Variants in TASP1 observed in about 807,000 individuals in gnomAD.
TASP1 encodes threonine aspartase 1.
A neutral mutation model predicts 56.6 loss-of-function variants in TASP1; 16 were observed. The observed-to-expected ratio is 0.28, with a 90% CI of 0.19 to 0.43. The LOEUF (loss-of-function observed/expected upper bound fraction) is 0.43, where lower values mean the gene tolerates loss of function less well. Among genes scored for constraint, TASP1 ranks in the 20% least tolerant of loss-of-function variants. TASP1 has a pLI of 1.00. For missense variants in TASP1, 393 were observed against 511.6 expected (o/e 0.77, Z 2.24); for synonymous variants, 179 against 184.2 (o/e 0.97, Z 0.23).
chr20:13,222,800 G>A, the TASP1 span, among the ~76,000 whole-genome samples: 3 of 152,202 alleles, frequency 2.0e-5, no homozygotes, highest in Non-Finnish European at 4.4e-5. Context: ...TGGGACAACT[G>A]TAAACTTGGA....
At chr20:13,374,693 T>C in the TASP1 span, among the ~76,000 whole-genome samples, 3 of 152,194 alleles carry the variant, frequency 2.0e-5, no homozygotes, top group Non-Finnish European at 4.4e-5. Flanking sequence ...TAACATTTTG[T>C]AGCAACTCTG....
chr20:13,319,554 A>G, the TASP1 span, among the ~76,000 whole-genome samples: 3 of 152,212 alleles, frequency 2.0e-5, no homozygotes, highest in Non-Finnish European at 2.9e-5. Context: ...GAAAGGAAAG[A>G]AAGACAGGCA....
At chr20:13,270,101 A>G in the TASP1 span, among the ~76,000 whole-genome samples, 1 of 152,238 alleles carries the variant, frequency 6.6e-6, no homozygotes, top group East Asian at 1.9e-4. Context: ...AGCCTACACA[A>G]AAGAAACCAA....
At chr20:13,137,781 C>T in the TASP1 span, among the ~76,000 whole-genome samples, 1 of 152,184 alleles carries the variant, frequency 6.6e-6, no homozygotes, top group Admixed American at 6.5e-5. Flanking sequence ...GCAATCCAGG[C>T]CTTCCGTGAT....
At chr20:13,596,227 T>C (rs2047725106) in intron 4 of TASP1, among the ~76,000 whole-genome samples, 1 of 151,746 alleles carries the variant, frequency 6.6e-6, no homozygotes, top group Non-Finnish European at 1.5e-5. Flanking sequence ...ACAAAAAAAC[T>C]AGCCAGGCAT....
At chr20:13,394,153 G>GCT (rs2041412263) in intron 13 of TASP1, among the ~76,000 whole-genome samples, 1 of 150,940 alleles carries the variant, frequency 6.6e-6, no homozygotes, top group Non-Finnish European at 1.5e-5. Flanking sequence ...GTGTGGTGGT[G>GCT]CATGCCTGTA....
At chr20:13,221,048 C>T in the TASP1 span, among the ~76,000 whole-genome samples, 2 of 152,102 alleles carry the variant, frequency 1.3e-5, no homozygotes, top group Non-Finnish European at 2.9e-5. Context: ...GTGCCCGGGG[C>T]CCCCATCTGG....
chr20:13,334,579 T>C, the TASP1 span, among the ~76,000 whole-genome samples: 2 of 152,176 alleles, frequency 1.3e-5, no homozygotes, highest in African/African-American at 4.8e-5. Flanking sequence ...TAACCAAGAT[T>C]ATTAGTATTA....
At chr20:13,503,485 T>C (rs1178173953) in intron 10 of TASP1, among the ~76,000 whole-genome samples, 3 of 152,162 alleles carry the variant, frequency 2.0e-5, no homozygotes, top group Non-Finnish European at 2.9e-5. Flanking sequence ...GTTTCTCTCT[T>C]GAAACTAGTT....
chr20:13,609,686 CAAAAAA>C (rs71188167), intron 4 of TASP1, among the ~76,000 whole-genome samples: 1 of 49,974 alleles, frequency 2.0e-5, no homozygotes, highest in African/African-American at 7.2e-5. Flanking sequence ...AACTCTGTCT[CAAAAAA>C]AAAAAAAAAA....
chr20:13,155,295 T>G, the TASP1 span, among the ~76,000 whole-genome samples: 2 of 152,280 alleles, frequency 1.3e-5, no homozygotes, highest in African/African-American at 4.8e-5. Context: ...CGCATCAGAT[T>G]CTAGAGGTCC....
intron 6 of TASP1, among the ~76,000 whole-genome samples, chr20:13,574,318 G>T (rs888069647): frequency 6.6e-6 from 1 of 152,080 alleles, no homozygotes; most frequent in African/African-American, 2.4e-5. Context: ...GACCTGAAAG[G>T]CTCAAGCTGT....
chr20:13,250,366 C>T, the TASP1 span, among the ~76,000 whole-genome samples: 3 of 152,168 alleles, frequency 2.0e-5, no homozygotes, highest in Admixed American at 6.5e-5. Flanking sequence ...ATTCAGCTTG[C>T]GGAGAATTTC....
intron 13 of TASP1, among the ~76,000 whole-genome samples, chr20:13,410,559 T>C (rs1193959426): frequency 1.3e-5 from 2 of 152,196 alleles, no homozygotes; most frequent in Non-Finnish European, 2.9e-5. Context: ...TGTTTATGAT[T>C]TGCATTTCCC....
rs1289198652 is a variant in TASP1, at chr20:13,603,784, A to C, written c.283-16414T>G. Among the ~76,000 whole-genome samples, 11 of 152,314 alleles carry C rather than the reference A, an allele frequency of 7.2e-5. No individual in the cohort carries two copies. In the East Asian group the frequency reaches 2.1e-3, roughly 29 times the overall value. On this transcript the variant is annotated intron_variant, in intron 4 of 13. Coordinates refer to ENST00000337743, the MANE Select transcript of TASP1 (RefSeq NM_017714.3). ...AAATGTCTCTTATTGATCAAACTCT[A>C]TTCAAATTTCCCTGAACTACTTTTC...
chr20:13,576,146 G>C (rs6109956), intron 6 of TASP1, among the ~76,000 whole-genome samples: 1 of 146,744 alleles, frequency 6.8e-6, no homozygotes, highest in African/African-American at 2.5e-5. Context: ...AGACTGCAGC[G>C]AGCCGAGATC....
At chr20:13,443,890 T>C (rs2043305901) in intron 11 of TASP1, among the ~76,000 whole-genome samples, 1 of 152,156 alleles carries the variant, frequency 6.6e-6, no homozygotes, top group Admixed American at 6.6e-5. Flanking sequence ...TATGATCAAC[T>C]GGAACCACAA....
chr20:13,242,912 C>G, the TASP1 span, among the ~76,000 whole-genome samples: 10,461 of 152,222 alleles, frequency 0.069, 477 homozygotes, highest in Middle Eastern at 0.14. Context: ...GGGCCAGACA[C>G]TTTTTTAAGC....
the TASP1 span, among the ~76,000 whole-genome samples, chr20:13,135,821 C>A: frequency 6.6e-6 from 1 of 152,192 alleles, no homozygotes; most frequent in Non-Finnish European, 1.5e-5. Flanking sequence ...ATCATAATGT[C>A]TCTGACTTAA....
Sources: allele counts gnomAD v4.1 joint callset (sites outside exome capture counted in the v4.1 genomes callset), GRCh38; gene constraint gnomAD v4.1.1; transcripts MANE v1.5; gene names NCBI Gene and HGNC (gene_info 2026-07-23, HGNC 2026-07-21).